MDM1: variants seen among roughly 807,000 people sequenced by gnomAD.
MDM1 encodes the protein stabilizer of axonemal microtubules 6.
In MDM1, 61 loss-of-function variants were observed where a neutral mutation model predicts 89.1. The observed-to-expected ratio is 0.68, with a 90% confidence interval of 0.56 to 0.85. The LOEUF is 0.85. MDM1 is among the 40% of genes least tolerant of loss of function. The probability of loss-of-function intolerance (pLI) is 0.00; values close to 1 mark genes in which losing one functional copy is unlikely to be tolerated. For missense variants in MDM1, 820 were observed against 846.5 expected, an observed-to-expected ratio of 0.97 and a Z score of 0.39; for synonymous variants, 290 against 294.1, an observed-to-expected ratio of 0.99 and a Z score of 0.14.
rs539021874 is a variant in MDM1 at position 68,331,777 on chromosome 12, A to G, written c.18+451T>C. Among the ~76,000 whole-genome samples the G allele has an allele frequency of 5.9e-5, 9 of 152,342 alleles. No individual in the cohort carries two copies. The South Asian group carries it at 1.9e-3, about 32-fold the overall frequency. On this transcript the variant is annotated intron_variant, in intron 1 of 14. Coordinates refer to ENST00000682720, the MANE Select transcript of MDM1 (RefSeq NM_001354969.2). ...TTTTAACATACGCTAAGAATGCACA[A>G]CGATGAAAAACGTGTATTTCTTTAT...
At chr12:68,303,374 G>A (rs1350293908) in intron 12 of MDM1, among the ~76,000 whole-genome samples, 1 of 152,148 alleles carries the variant, frequency 6.6e-6, no homozygotes, top group Non-Finnish European at 1.5e-5. Context: ...TGGCAAGGAT[G>A]TAGAGAAACT....
intron 4 of MDM1, among the ~76,000 whole-genome samples, chr12:68,324,064 T>G (rs1875612744): frequency 6.6e-6 from 1 of 152,164 alleles, no homozygotes; most frequent in Non-Finnish European, 1.5e-5. Context: ...CTTCAATCCA[T>G]AGACTCTGAA....
chr12:68,329,210 C>T (rs1876439405), intron 2 of MDM1, among the ~76,000 whole-genome samples: 1 of 152,168 alleles, frequency 6.6e-6, no homozygotes, highest in Admixed American at 6.5e-5. Context: ...AGGGATTTTC[C>T]TAGCACCCTG....
chr12:68,301,144 T>C (rs1031271620), intron 13 of MDM1, among the ~76,000 whole-genome samples: 9 of 152,198 alleles, frequency 5.9e-5, no homozygotes, highest in African/African-American at 1.9e-4. Context: ...ACCTCTGGGA[T>C]ACAGCAAAAG....
chr12:68,317,923 C>G (rs1308244974), intron 7 of MDM1, among the ~76,000 whole-genome samples: 1 of 152,216 alleles, frequency 6.6e-6, no homozygotes, highest in African/African-American at 2.4e-5. Context: ...TCTGTGTTCT[C>G]AGAGTTCTTT....
chr12:68,313,841 A>C, intron 10 of MDM1, 88 bp from the exon 11 acceptor site: 1 of 1,220,206 alleles, frequency 8.2e-7, no homozygotes, highest in Non-Finnish European at 1.2e-6. Flanking sequence ...TGCAATAATA[A>C]AGTATAAAAC....
Position 68,321,339 on chromosome 12 carries a change from A to G in MDM1, c.1005+8T>C. On this transcript the variant is annotated splice_region_variant and intron_variant, in intron 7 of 14. Coordinates refer to ENST00000682720, the MANE Select transcript of MDM1 (RefSeq NM_001354969.2). ...ACATGTAGGCTTATTGAGGTCATGT[A>G]CACTCACCTGATTTGGCATGTTTCC... The G allele has an allele frequency of 6.2e-7, 1 of 1,609,298 alleles. No individual in the cohort carries two copies. Among genetic ancestry groups the G allele is most frequent in the Non-Finnish European group, 8.5e-7 (1 of 1,176,496 alleles).
At chr12:68,318,989 A>G (rs1299090744) in intron 7 of MDM1, among the ~76,000 whole-genome samples, 1 of 152,232 alleles carries the variant, frequency 6.6e-6, no homozygotes, top group Non-Finnish European at 1.5e-5. Flanking sequence ...ATTACAGGAC[A>G]TCTCTCAAAT....
chr12:68,331,968 T>C, intron 1 of MDM1: 1 of 693,652 alleles, frequency 1.4e-6, no homozygotes, highest in South Asian at 1.5e-5. Flanking sequence ...TCTCCACTCC[T>C]CTTGAGTCCC....
chr12:68,314,875 T>C, intron 10 of MDM1, 73 bp downstream of exon 10: 1 of 1,277,038 alleles, frequency 7.8e-7, no homozygotes. Flanking sequence ...AGTAAACCAC[T>C]ATATTTAGTG....
rs370173942 is a variant in MDM1, at chr12:68,314,916, C to G, written c.1529+32G>C. 7.9e-5 allele frequency: 121 copies of G among 1,534,264 alleles called. No individual in the cohort carries two copies. The African/African-American group carries it at 1.4e-3, about 18-fold the overall frequency. ...ATACATATCAACCATGTAAATAACG[C>G]TTCTCTATACTGAGTAATTTAAAAC... On this transcript the variant is annotated intron_variant, in intron 10 of 14. Transcript: ENST00000682720.
intron 5 of MDM1, 138 bp from the exon 6 acceptor site, chr12:68,321,766 A>G: frequency 3.8e-6 from 2 of 520,792 alleles, no homozygotes; most frequent in East Asian, 6.3e-5. Flanking sequence ...GAAAATAAAA[A>G]CCATAAGAAA....
At chr12:68,318,323 C>A (rs1181001159) in intron 7 of MDM1, among the ~76,000 whole-genome samples, 1 of 152,084 alleles carries the variant, frequency 6.6e-6, no homozygotes, top group East Asian at 1.9e-4. Flanking sequence ...TCTATCCATG[C>A]ATGATGAATG....
intron 7 of MDM1, among the ~76,000 whole-genome samples, chr12:68,318,731 A>C (rs1874822892): frequency 6.6e-6 from 1 of 152,200 alleles, no homozygotes; most frequent in Non-Finnish European, 1.5e-5. Context: ...AACCATTCCC[A>C]ACTCAACAAC....
chr12:68,301,814 T>C (rs1872202122), intron 13 of MDM1, among the ~76,000 whole-genome samples: 1 of 151,972 alleles, frequency 6.6e-6, no homozygotes, highest in Non-Finnish European at 1.5e-5. Context: ...CCCAAGTAGC[T>C]GGAATTACAG....
chr12:68,296,780 C>CA (rs922456522), intron 14 of MDM1, 143 bp downstream of exon 14: 1 of 488,660 alleles, frequency 2.0e-6, no homozygotes. Flanking sequence ...GGGGTAATTT[C>CA]ACTCCCCCTC....
chr12:68,329,606 A>G (rs547498806), intron 2 of MDM1, among the ~76,000 whole-genome samples: 2 of 152,350 alleles, frequency 1.3e-5, no homozygotes, highest in African/African-American at 4.8e-5. Context: ...AACATCACAC[A>G]GCTATTATAA....
At chr12:68,312,613 T>A (rs143984284) in intron 12 of MDM1, among the ~76,000 whole-genome samples, 5 of 152,160 alleles carry the variant, frequency 3.3e-5, no homozygotes, top group Non-Finnish European at 7.4e-5. Context: ...CAGAAAGACC[T>A]TGGAAAAAAA....
intron 7 of MDM1, among the ~76,000 whole-genome samples, chr12:68,320,751 T>G (rs1361441391): frequency 6.6e-6 from 1 of 152,186 alleles, no homozygotes; most frequent in East Asian, 1.9e-4. Flanking sequence ...TGCTAATTAA[T>G]ACAATAACAA....
Sources: allele counts gnomAD v4.1 joint callset (sites outside exome capture counted in the v4.1 genomes callset), GRCh38; gene constraint gnomAD v4.1.1; transcripts MANE v1.5; gene names NCBI Gene and HGNC (gene_info 2026-07-23, HGNC 2026-07-21).